RBFOX3: variants seen among roughly 807,000 people sequenced by gnomAD.
The protein encoded by RBFOX3 is RNA binding protein fox-1 homolog 3.
In RBFOX3, 17 loss-of-function variants were observed where a neutral mutation model predicts 48.7. The ratio of observed to expected loss-of-function variants is 0.35; its 90% CI spans 0.24 to 0.52. The LOEUF (loss-of-function observed/expected upper bound fraction) is 0.52, where lower values mean the gene tolerates loss of function less well. RBFOX3 is among the 20% of genes least tolerant of loss of function. The probability of loss-of-function intolerance (pLI) is 0.94; values close to 1 mark genes in which losing one functional copy is unlikely to be tolerated. For synonymous variants in RBFOX3, 212 were observed against 209.5 expected (o/e 1.01, Z -0.10); for missense variants, 382 against 497.5 (o/e 0.77, Z 2.21).
intron 2 of RBFOX3, among the ~76,000 whole-genome samples, chr17:79,404,075 G>T (rs1272206499): frequency 6.6e-6 from 1 of 152,160 alleles, no homozygotes. Context: ...ACCACACCCG[G>T]CCCAGGATGT....
chr17:79,365,313 A>T (rs770246721), intron 2 of RBFOX3, among the ~76,000 whole-genome samples: 2 of 152,232 alleles, frequency 1.3e-5, no homozygotes, highest in African/African-American at 4.8e-5. Flanking sequence ...GGGAAAAAAT[A>T]GCATCCCCTT....
chr17:79,462,168 A>T (rs570885572), intron 2 of RBFOX3, among the ~76,000 whole-genome samples: 1 of 152,196 alleles, frequency 6.6e-6, no homozygotes, highest in African/African-American at 2.4e-5. Flanking sequence ...CTATCCATCA[A>T]TGAGTACCAA....
rs973779560 is a variant in RBFOX3, at chr17:79,214,390, G to A, written c.-34+21376C>T. 2.0e-4 allele frequency among the ~76,000 whole-genome samples: 31 copies of A among 152,286 alleles called. No homozygotes were observed. Among genetic ancestry groups the A allele is most frequent in the Non-Finnish European group, 3.7e-4 (25 of 68,024 alleles). On this transcript the variant is annotated intron_variant, in intron 4 of 14. Transcript: ENST00000693108. This position sits in a 1 kb window ranked among gnomAD's most constrained non-coding sequence, Gnocchi z 4.7. ...ATTAATTAGACAAGCCCTCCCGCCC[G>A]CAGGTCCAGCAACCAGGGAGGGTGG...
chr17:79,591,945 T>G (rs2093431029), intron 1 of RBFOX3, among the ~76,000 whole-genome samples: 1 of 148,574 alleles, frequency 6.7e-6, no homozygotes, highest in East Asian at 2.1e-4. Context: ...GTGCATGTGT[T>G]GTGTGTGGCA....
intron 4 of RBFOX3, among the ~76,000 whole-genome samples, chr17:79,180,867 T>C (rs555509207): frequency 3.3e-5 from 5 of 152,126 alleles, no homozygotes; most frequent in East Asian, 3.9e-4. Context: ...AGGCTCTGGC[T>C]TTCCCAGGGA....
intron 1 of RBFOX3, among the ~76,000 whole-genome samples, chr17:79,567,602 T>A (rs2092515832): frequency 6.6e-6 from 1 of 152,224 alleles, no homozygotes; most frequent in Admixed American, 6.5e-5. Flanking sequence ...TATATATGCA[T>A]CAAAATATTG....
chr17:79,136,801 T>A (rs1239192584), intron 4 of RBFOX3, among the ~76,000 whole-genome samples: 1 of 152,150 alleles, frequency 6.6e-6, no homozygotes, highest in Non-Finnish European at 1.5e-5. Flanking sequence ...CCTGCTCTGC[T>A]CCCATCAATC....
the RBFOX3 span, among the ~76,000 whole-genome samples, chr17:79,618,950 C>T: frequency 6.6e-6 from 1 of 152,116 alleles, no homozygotes; most frequent in South Asian, 2.1e-4. Flanking sequence ...CTCGCCCAGT[C>T]GGGGTTTCTG....
In RBFOX3 at chr17:79,456,696, G is replaced by A. The variant is rs560535664; in HGVS notation, c.-175+25758C>T. 4.4e-4 allele frequency among the ~76,000 whole-genome samples: 67 copies of A among 152,216 alleles called. 2 individuals are homozygous for A. In the South Asian group the frequency reaches 0.01, roughly 24 times the overall value. ...AGAGCCCCTCCTGAGTCAGACCCCC[G>A]GGAGTTCCCACCACACTTGAATTGA... On this transcript the variant is annotated intron_variant, in intron 2 of 14. Transcript: ENST00000693108.
At chr17:79,155,721 C>T (rs976159779) in intron 4 of RBFOX3, among the ~76,000 whole-genome samples, 11 of 151,708 alleles carry the variant, frequency 7.3e-5, no homozygotes, top group Non-Finnish European at 4.4e-5. Flanking sequence ...ACCTCCAAGA[C>T]GGGGGAGGCA....
rs932345484 is a variant in RBFOX3 at position 79,464,459 on chromosome 17, C to T, written c.-175+17995G>A. Among the ~76,000 whole-genome samples the T allele has an allele frequency of 2.0e-4, 30 of 152,202 alleles. 1 individual carries two copies. The highest frequency in any genetic ancestry group is 8.8e-5 in the Non-Finnish European group (6 of 68,044). On this transcript the variant is annotated intron_variant, in intron 2 of 14. Transcript: ENST00000693108. ...GAGGTGTCACGTGCACCTCGGCCCACAGAGGAAGGATGCCCAGTACATCTG... is the reference window on the plus strand; with the variant it reads ...GAGGTGTCACGTGCACCTCGGCCCATAGAGGAAGGATGCCCAGTACATCTG...
intron 1 of RBFOX3, among the ~76,000 whole-genome samples, chr17:79,558,768 G>A (rs1442288272): frequency 1.3e-5 from 2 of 152,204 alleles, no homozygotes; most frequent in Non-Finnish European, 1.5e-5. Context: ...GGCCTGCGGG[G>A]AGCAGGAGGG....
chr17:79,585,841 C>A lies in RBFOX3; in HGVS notation c.-320+24985G>T, dbSNP rs1035475759. ...AGAGAAAGTGAAAGGTTAGGATGGG[C>A]TCCGTGGGGCCGGGCAGTGAGCTGA... is the stretch of plus-strand genomic sequence containing the variant. On this transcript the variant is annotated intron_variant, in intron 1 of 14. Coordinates refer to ENST00000693108, the MANE Select transcript of RBFOX3 (RefSeq NM_001350451.2). Among the ~76,000 whole-genome samples, 15 of 152,290 alleles carry A rather than the reference C, an allele frequency of 9.8e-5. 1 individual carries two copies. Among genetic ancestry groups the A allele is most frequent in the East Asian group, 3.9e-4 (2 of 5,168 alleles).
chr17:79,323,554 A>G (rs1331795951), intron 2 of RBFOX3, among the ~76,000 whole-genome samples: 1 of 152,230 alleles, frequency 6.6e-6, no homozygotes, highest in Non-Finnish European at 1.5e-5. Context: ...ATGGCAGCTG[A>G]GGCCACCAAC....
At chr17:79,102,188 C>CA (rs1568130379) in intron 8 of RBFOX3, among the ~76,000 whole-genome samples, 3 of 152,186 alleles carry the variant, frequency 2.0e-5, no homozygotes, top group Non-Finnish European at 4.4e-5. Context: ...GCTCTGGGCA[C>CA]GAAGTCACCT....
At chr17:79,255,218 T>TGTGC (rs894266612) in intron 3 of RBFOX3, among the ~76,000 whole-genome samples, 10 of 116,054 alleles carry the variant, frequency 8.6e-5, no homozygotes, top group African/African-American at 3.5e-4. Context: ...TGGTCACATG[T>TGTGC]GTGCGTGTGT....
In RBFOX3 at chr17:79,097,574, G is replaced by A. The variant is rs1049001984; in HGVS notation, c.622+118C>T. On this transcript the variant is annotated intron_variant, in intron 10 of 14. Transcript: ENST00000693108. ...AGCGCTACTCAGTCAACACGGCGAC[G>A]GGAGGGCGGGGACGGCCCACCTGGC... The A allele has an allele frequency of 5.5e-6, 7 of 1,277,052 alleles. No individual in the cohort carries two copies. The South Asian group carries it at 8.7e-5, about 16-fold the overall frequency. The allele number at this position is 1,277,052 out of a possible 1,614,324, so 79.1% of individuals were successfully genotyped here. A position where few individuals can be genotyped will look rare whatever the true frequency, so the allele number is the denominator to read the frequency against.
At chr17:79,430,451 C>T (rs1336595572) in intron 2 of RBFOX3, among the ~76,000 whole-genome samples, 2 of 152,168 alleles carry the variant, frequency 1.3e-5, no homozygotes, top group African/African-American at 4.8e-5. Flanking sequence ...TTAGGAGTCT[C>T]TTAATCAGAA....
the RBFOX3 span, among the ~76,000 whole-genome samples, chr17:79,650,018 G>A: frequency 1.3e-5 from 2 of 152,080 alleles, no homozygotes; most frequent in African/African-American, 4.8e-5. Flanking sequence ...ATCCAATCAC[G>A]TCCCACCAGG....
Sources: gnomAD v4.1 joint callset for allele counts (sites outside exome capture counted in the v4.1 genomes callset) on GRCh38, gnomAD v4.1.1 for gene constraint, Gnocchi (gnomAD v3.1) non-coding constraint, MANE v1.5 for transcripts, NCBI Gene and HGNC (gene_info 2026-07-23, HGNC 2026-07-21) for gene names.